Variants in PML observed in about 807,000 individuals in gnomAD.
The protein encoded by PML is PML nuclear body scaffold, also known as protein PML.
Under a neutral mutation model 65.2 loss-of-function variants are expected in PML, and 28 were observed. The ratio of observed to expected loss-of-function variants is 0.43; its 90% CI spans 0.32 to 0.59. The LOEUF is 0.59. Among genes scored for constraint, PML ranks in the 20% least tolerant of loss-of-function variants. The probability of loss-of-function intolerance (pLI) is 0.08; values close to 1 mark genes in which losing one functional copy is unlikely to be tolerated. For synonymous variants in PML, 500 were observed against 508.8 expected, an observed-to-expected ratio of 0.98 and a Z score of 0.23; for missense variants, 1,021 against 1,203.4, an observed-to-expected ratio of 0.85 and a Z score of 2.24.
chr15:74,031,969 G>C (rs1347441298), intron 4 of PML, among the ~76,000 whole-genome samples: 1 of 152,208 alleles, frequency 6.6e-6, no homozygotes, highest in Non-Finnish European at 1.5e-5. Context: ...CATCCAACTT[G>C]TGTAGTAGCT....
Position 74,035,845 on chromosome 15 carries a change from A to C in PML, c.1710+1315A>C. On this transcript the variant is annotated intron_variant, in intron 7 of 8. Coordinates refer to ENST00000268058, the MANE Select transcript of PML (RefSeq NM_033238.3). This position sits in a 1 kb window ranked among gnomAD's most constrained non-coding sequence, Gnocchi z 4.1. ...GTCAGAGGCTCCATGGAGGCCTCTC[A>C]AGTCCAAGTGCCTCTGGAAGCCTCT... 6.2e-7 allele frequency: 1 copy of C among 1,613,794 alleles called. No individual in the cohort carries two copies. Among genetic ancestry groups the C allele is most frequent in the Non-Finnish European group, 8.5e-7 (1 of 1,179,964 alleles).
At chr15:74,007,412 G>T (rs1209204323) in intron 2 of PML, among the ~76,000 whole-genome samples, 1 of 152,212 alleles carries the variant, frequency 6.6e-6, no homozygotes. Context: ...CTTGAGCACG[G>T]TGCATGGCCT....
At chr15:74,019,316 C>T (rs1375606860) in intron 2 of PML, among the ~76,000 whole-genome samples, 1 of 152,240 alleles carries the variant, frequency 6.6e-6, no homozygotes, top group Non-Finnish European at 1.5e-5. Flanking sequence ...GGGGATCCAA[C>T]ATCAGACACA....
chr15:74,028,842 T>TAAAAAG (rs1442592610), intron 4 of PML, among the ~76,000 whole-genome samples: 46 of 152,400 alleles, frequency 3.0e-4, no homozygotes, highest in African/African-American at 8.4e-4. Flanking sequence ...CCTTTCTTTT[T>TAAAAAG]AAAGCTGAAT....
In PML at chr15:74,043,437, CAG is replaced by C; in HGVS notation, c.1861+300_1861+301del. 7.4e-7 allele frequency: 1 copy of C among 1,347,432 alleles called. No homozygotes were observed. The allele number at this position is 1,347,432 out of a possible 1,614,324, so 83.5% of individuals were successfully genotyped here. On this transcript the variant is annotated intron_variant, in intron 8 of 8. Transcript: ENST00000268058. This position sits in a 1 kb window ranked among gnomAD's most constrained non-coding sequence, Gnocchi z 4.3. Reference sequence around the variant, plus strand: ...AGAGCCTGGGGAACACACTCCTAGACAGAAACACAATGCGTGAGCTCATTGCC... The same window carrying C: ...AGAGCCTGGGGAACACACTCCTAGACAAACACAATGCGTGAGCTCATTGCC...
At position 74,022,910 on chromosome 15, in the gene PML, A is replaced by G. The variant is rs1232184244; in HGVS notation, c.685A>G (p.Ile229Val). 1 of 1,613,134 alleles carries G rather than the reference A, an allele frequency of 6.2e-7. No individual in the cohort carries two copies. Among genetic ancestry groups the G allele is most frequent in the South Asian group, 1.1e-5 (1 of 90,900 alleles). The change falls in exon 3 of 9, where the codon ATC becomes GTC. Residue 229 changes from isoleucine (I) to valine (V), a missense_variant. Transcript: ENST00000268058. Reference sequence around the variant, plus strand: ...CAGCCACAGTGAGCTCAAGTGCGACATCAGCGCAGAGATCCAGCAGCGACA... The same window carrying G: ...CAGCCACAGTGAGCTCAAGTGCGACGTCAGCGCAGAGATCCAGCAGCGACA... ...DSSHSELKCD[I>V]SAEIQQRQEE...
intron 2 of PML, among the ~76,000 whole-genome samples, chr15:74,018,103 T>A (rs991297421): frequency 3.3e-5 from 5 of 152,084 alleles, no homozygotes; most frequent in African/African-American, 1.2e-4. Flanking sequence ...GTGGATCACC[T>A]GAGATCAGGA....
Position 73,994,721 on chromosome 15 carries a change from A to G in PML, c.-92A>G, listed in dbSNP as rs933130755. 3.6e-6 allele frequency: 5 copies of G among 1,395,158 alleles called. No individual in the cohort carries two copies. The South Asian group carries it at 3.7e-5, about 10-fold the overall frequency. 86.4% of individuals were successfully genotyped at this position (1,395,158 alleles called of 1,614,324 possible). ...CGGCACCTCCCCTTTCGGACAGCTC[A>G]AGGGACTCAGCCAACTGGCTCACGC... On this transcript the variant is annotated 5_prime_UTR_variant, in exon 1 of 9. Transcript: ENST00000268058.
intron 7 of PML, chr15:74,036,320 G>A: frequency 7.0e-7 from 1 of 1,433,214 alleles, no homozygotes; most frequent in East Asian, 2.5e-5. Flanking sequence ...CAGGATCTAA[G>A]CCCATGAGCA....
At chr15:74,010,135 C>T (rs1319258565) in intron 2 of PML, among the ~76,000 whole-genome samples, 1 of 150,108 alleles carries the variant, frequency 6.7e-6, no homozygotes, top group Non-Finnish European at 1.5e-5. Context: ...CACCTCAGAC[C>T]CCCAAGTATA....
Position 73,998,188 on chromosome 15 carries a change from A to C in PML, c.314A>C (p.Asp105Ala), listed in dbSNP as rs760548118. 6.2e-7 allele frequency: 1 copy of C among 1,614,218 alleles called. No individual in the cohort carries two copies. The highest frequency in any genetic ancestry group is 1.7e-5 in the Admixed American group (1 of 60,032). ...CTAGGTGCAGACACACCCGCCCTGG[A>C]TAACGTCTTTTTCGAGAGTCTGCAG... ...WPLGADTPAL[D>A]NVFFESLQRR... The change falls in exon 2 of 9, where the codon GAT (aspartate) becomes GCT (alanine). Residue 105 changes from aspartate (D) to alanine (A), a missense_variant. By Grantham distance (126) the Asp-to-Ala change is moderately radical. Coordinates refer to ENST00000268058, the MANE Select transcript of PML (RefSeq NM_033238.3).
At chr15:74,023,958 T>G (rs10851868) in intron 3 of PML, among the ~76,000 whole-genome samples, 81,017 of 151,912 alleles carry the variant, frequency 0.53, 22,152 homozygotes, top group East Asian at 0.64. Context: ...GCTTGAGAGG[T>G]AAGGAGACAC....
At chr15:74,017,001 G>A (rs902314148) in intron 2 of PML, among the ~76,000 whole-genome samples, 16 of 151,508 alleles carry the variant, frequency 1.1e-4, no homozygotes, top group Non-Finnish European at 2.4e-4. Context: ...GTTTCACCAT[G>A]TTAGCCAGGA....
rs369911359 is a variant in PML, at chr15:74,035,360, C to T, written c.1710+830C>T. 3.7e-6 allele frequency: 6 copies of T among 1,611,958 alleles called. No individual in the cohort carries two copies. In the South Asian group the frequency reaches 5.5e-5, roughly 15 times the overall value. ...ACCAGCCCGCTGAGCAGGCTGCCACCCCCGATGCTGAGCCTCACAGCGAGC... is the reference window on the plus strand; with the variant it reads ...ACCAGCCCGCTGAGCAGGCTGCCACTCCCGATGCTGAGCCTCACAGCGAGC... On this transcript the variant is annotated intron_variant, in intron 7 of 8. Coordinates refer to ENST00000268058, the MANE Select transcript of PML (RefSeq NM_033238.3). This position sits in a 1 kb window ranked among gnomAD's most constrained non-coding sequence, Gnocchi z 4.1.
chr15:74,045,732 C>G lies in PML; in HGVS notation c.*724C>G. 4.3e-6 allele frequency: 1 copy of G among 233,884 alleles called. No individual in the cohort carries two copies. Among genetic ancestry groups the G allele is most frequent in the Non-Finnish European group, 8.4e-6 (1 of 118,648 alleles). The allele number at this position is 233,884 out of a possible 1,614,324, so 14.5% of individuals were successfully genotyped here. ...GGCCACCAGACCCCTCACAGCATGG[C>G]CCTTGGCTCTTCCTGCACTGCCCTC... On this transcript the variant is annotated 3_prime_UTR_variant, in exon 9 of 9. Transcript: ENST00000268058.
chr15:74,011,790 C>T (rs1249204902), intron 2 of PML, among the ~76,000 whole-genome samples: 7 of 152,156 alleles, frequency 4.6e-5, no homozygotes, highest in Non-Finnish European at 1.0e-4. Flanking sequence ...ACAAACAAGG[C>T]GAGAGGCCAG....
intron 2 of PML, among the ~76,000 whole-genome samples, chr15:74,019,040 G>A (rs1469402017): frequency 2.0e-5 from 3 of 152,212 alleles, no homozygotes; most frequent in African/African-American, 4.8e-5. Flanking sequence ...CTTTGATTCA[G>A]GATCTGCACC....
Position 74,023,340 on chromosome 15 carries a change from G to A in PML, c.1115G>A (p.Arg372His). 1 of 1,604,664 alleles carries A rather than the reference G, an allele frequency of 6.2e-7. No individual in the cohort carries two copies. The change falls in exon 3 of 9, where the codon CGC becomes CAC. Residue 372 changes from arginine (R) to histidine (H), a missense_variant. Transcript: ENST00000268058. Reference sequence around the variant, plus strand: ...CCCCAGAGCCTGCAAGCTGCCGTGCGCACCGATGGCTTCGACGAGTTCAAG... The same window carrying A: ...CCCCAGAGCCTGCAAGCTGCCGTGCACACCGATGGCTTCGACGAGTTCAAG... ...EEPQSLQAAV[R>H]TDGFDEFKVR...
chr15:74,004,429 T>C (rs987648416), intron 2 of PML, among the ~76,000 whole-genome samples: 2 of 152,108 alleles, frequency 1.3e-5, no homozygotes, highest in Non-Finnish European at 2.9e-5. Flanking sequence ...AGTCTCTGAG[T>C]AGCTAGGACT....
Sources: allele counts gnomAD v4.1 joint callset (sites outside exome capture counted in the v4.1 genomes callset), GRCh38; gene constraint gnomAD v4.1.1; non-coding constraint Gnocchi (gnomAD v3.1); transcripts MANE v1.5; gene names NCBI Gene and HGNC (gene_info 2026-07-23, HGNC 2026-07-21).